PCDHGA9: variants seen among roughly 807,000 people sequenced by gnomAD.
PCDHGA9 encodes the protein protocadherin gamma subfamily A, 9.
Under a neutral mutation model 62.5 loss-of-function variants are expected in PCDHGA9, and 37 were observed. The observed-to-expected ratio is 0.59, with a 90% CI of 0.46 to 0.78. PCDHGA9 has a LOEUF of 0.78. Ranked by LOEUF, PCDHGA9 falls within the 30% of genes least tolerant of loss-of-function variation. PCDHGA9 has a pLI of 0.00. For missense variants in PCDHGA9, 1,138 were observed against 1,166.2 expected (o/e 0.98, Z 0.35); for synonymous variants, 459 against 484.6 (o/e 0.95, Z 0.69).
intron 1 of PCDHGA9, among the ~76,000 whole-genome samples, chr5:141,447,463 C>T (rs1004772636): frequency 6.6e-6 from 1 of 152,142 alleles, no homozygotes; most frequent in African/African-American, 2.4e-5. Context: ...AGTTTTTCTT[C>T]ACCATCTGTA....
intron 1 of PCDHGA9, chr5:141,409,953 C>T: frequency 6.2e-7 from 1 of 1,613,398 alleles, no homozygotes; most frequent in Non-Finnish European, 8.5e-7. Context: ...TCTGCAGAGC[C>T]CGGCTACCTA....
At chr5:141,439,126 G>A (rs2098089550) in intron 1 of PCDHGA9, among the ~76,000 whole-genome samples, 1 of 151,328 alleles carries the variant, frequency 6.6e-6, no homozygotes, top group African/African-American at 2.4e-5. Flanking sequence ...CCGGGAGACA[G>A]AGGTTGCAGT....
intron 1 of PCDHGA9, among the ~76,000 whole-genome samples, chr5:141,494,146 T>C (rs1167835696): frequency 1.3e-5 from 2 of 152,168 alleles, no homozygotes; most frequent in Non-Finnish European, 2.9e-5. Context: ...TCACAGACCA[T>C]TGTCTGGCAC....
chr5:141,451,676 G>C (rs1363843426), intron 1 of PCDHGA9, among the ~76,000 whole-genome samples: 1 of 152,142 alleles, frequency 6.6e-6, no homozygotes, highest in African/African-American at 2.4e-5. Context: ...GAGCCCAGGA[G>C]TTCAAGACCA....
rs2099697598 is a variant in PCDHGA9 at position 141,490,236 on chromosome 5, C to T, written c.2425-4571C>T. On this transcript the variant is annotated intron_variant, in intron 1 of 3. Coordinates refer to ENST00000573521, the MANE Select transcript of PCDHGA9 (RefSeq NM_018921.3). This position sits in a 1 kb window ranked among gnomAD's most constrained non-coding sequence, Gnocchi z 5.4. ...ACCAGGGACAGCCTGCCATGGAGGG[C>T]CACTGTGTGATTCAAGTGGATGTGG... is the stretch of plus-strand genomic sequence containing the variant. 1 of 1,614,078 alleles carries T rather than the reference C, an allele frequency of 6.2e-7. No homozygotes were observed. The highest frequency in any genetic ancestry group is 1.1e-5 in the South Asian group (1 of 91,088).
chr5:141,458,496 A>T (rs905073741), intron 1 of PCDHGA9, among the ~76,000 whole-genome samples: 1 of 151,694 alleles, frequency 6.6e-6, no homozygotes, highest in Non-Finnish European at 1.5e-5. Flanking sequence ...CTGCCTGTAC[A>T]TACTGTTTGA....
Position 141,511,334 on chromosome 5 carries a change from C to A in PCDHGA9, c.*161C>A. 7.0e-7 allele frequency: 1 copy of A among 1,438,700 alleles called. No homozygotes were observed. Among genetic ancestry groups the A allele is most frequent in the Non-Finnish European group, 9.2e-7 (1 of 1,083,314 alleles). 89.1% of individuals were successfully genotyped at this position (1,438,700 alleles called of 1,614,324 possible). On this transcript the variant is annotated 3_prime_UTR_variant, in exon 4 of 4. Coordinates refer to ENST00000573521, the MANE Select transcript of PCDHGA9 (RefSeq NM_018921.3). ...GAAACAGAAACAAGTGCCCAGTCAG[C>A]ACCTACCCCTTCCCCCCCAGGGGGT...
intron 1 of PCDHGA9, among the ~76,000 whole-genome samples, chr5:141,444,150 GGATTT>G (rs2098419598): frequency 1.8e-5 from 2 of 114,012 alleles, no homozygotes; most frequent in Non-Finnish European, 3.5e-5. Flanking sequence ...TGTGTGTACT[GGATTT>G]TTTTTTTTTT....
chr5:141,409,805 C>T lies in PCDHGA9; in HGVS notation c.2424+4429C>T, dbSNP rs751397816. 8 of 1,611,512 alleles carry T rather than the reference C, an allele frequency of 5.0e-6. No individual in the cohort carries two copies. The African/African-American group carries it at 5.3e-5, about 11-fold the overall frequency. ...CGCCTTCGCGCTCACGCTGCAGGCC[C>T]GCGACCACGGCTCGCCCACGCTCAG... is the stretch of plus-strand genomic sequence containing the variant. On this transcript the variant is annotated intron_variant, in intron 1 of 3. Coordinates refer to ENST00000573521, the MANE Select transcript of PCDHGA9 (RefSeq NM_018921.3).
At position 141,486,090 on chromosome 5, in the gene PCDHGA9, G is replaced by C. The variant is rs190955361; in HGVS notation, c.2425-8717G>C. On this transcript the variant is annotated intron_variant, in intron 1 of 3. Transcript: ENST00000573521. The surrounding 1 kb of genome is among the most constrained non-coding windows in gnomAD (Gnocchi z 5.0). ...ACTACTGGAAAGCTTACTCTTTTGG[G>C]GCCCCTAGACTTTGAGAGTGAGAAT... 4 of 1,614,086 alleles carry C rather than the reference G, an allele frequency of 2.5e-6. No individual in the cohort carries two copies. The Admixed American group carries it at 6.7e-5, about 27-fold the overall frequency.
chr5:141,476,661 T>G lies in PCDHGA9; in HGVS notation c.2425-18146T>G. 1.2e-6 allele frequency: 2 copies of G among 1,614,076 alleles called. No individual in the cohort carries two copies. The highest frequency in any genetic ancestry group is 1.7e-6 in the Non-Finnish European group (2 of 1,179,938). On this transcript the variant is annotated intron_variant, in intron 1 of 3. Coordinates refer to ENST00000573521, the MANE Select transcript of PCDHGA9 (RefSeq NM_018921.3). The surrounding 1 kb of genome is among the most constrained non-coding windows in gnomAD (Gnocchi z 7.6). Reference sequence around the variant, plus strand: ...CTGAGCCGAAATGAATACTTTGCGCTTCGCGTGCAGACGCGGGAGGACAGC... The same window carrying G: ...CTGAGCCGAAATGAATACTTTGCGCGTCGCGTGCAGACGCGGGAGGACAGC...
Position 141,431,132 on chromosome 5 carries a change from G to A in PCDHGA9, c.2424+25756G>A. On this transcript the variant is annotated intron_variant, in intron 1 of 3. Coordinates refer to ENST00000573521, the MANE Select transcript of PCDHGA9 (RefSeq NM_018921.3). This position sits in a 1 kb window ranked among gnomAD's most constrained non-coding sequence, Gnocchi z 4.8. ...ATATGGAGTAGAAGTAGAAGTAAGGGACATTAACGACAATGCGCCTTACTT... is the reference window on the plus strand; with the variant it reads ...ATATGGAGTAGAAGTAGAAGTAAGGAACATTAACGACAATGCGCCTTACTT... 2 of 1,614,232 alleles carry A rather than the reference G, an allele frequency of 1.2e-6. No individual in the cohort carries two copies. The highest frequency in any genetic ancestry group is 8.5e-7 in the Non-Finnish European group (1 of 1,180,024).
intron 1 of PCDHGA9, among the ~76,000 whole-genome samples, chr5:141,467,931 T>C (rs771009105): frequency 1.3e-5 from 2 of 151,966 alleles, no homozygotes; most frequent in Non-Finnish European, 2.9e-5. Flanking sequence ...AATGCTAGGA[T>C]TACAAGCATG....
At chr5:141,423,193 T>A in intron 1 of PCDHGA9, 2 of 1,613,564 alleles carry the variant, frequency 1.2e-6, no homozygotes, top group Non-Finnish European at 1.7e-6. Context: ...GCCCCCTCTC[T>A]CGGCCACCGT....
At chr5:141,418,566 A>G (rs2096269931) in intron 1 of PCDHGA9, 2 of 1,614,054 alleles carry the variant, frequency 1.2e-6, no homozygotes, top group South Asian at 1.1e-5. Context: ...ATAGATGCCA[A>G]TGACAACCCC....
intron 1 of PCDHGA9, chr5:141,421,396 C>T: frequency 2.5e-6 from 4 of 1,614,036 alleles, no homozygotes; most frequent in South Asian, 1.1e-5. Context: ...GGGGCTGGAG[C>T]CCCGGGAGCT....
At position 141,490,289 on chromosome 5, in the gene PCDHGA9, T is replaced by C; in HGVS notation, c.2425-4518T>C. ...GATGTCAATGACAATGCCCCAGAGG[T>C]GCTATTGGCCTCTTTGGCCAACCCT... On this transcript the variant is annotated intron_variant, in intron 1 of 3. Transcript: ENST00000573521. This position sits in a 1 kb window ranked among gnomAD's most constrained non-coding sequence, Gnocchi z 5.4. The C allele has an allele frequency of 1.2e-6, 2 of 1,614,096 alleles. No homozygotes were observed. The highest frequency in any genetic ancestry group is 1.7e-6 in the Non-Finnish European group (2 of 1,180,016).
intron 1 of PCDHGA9, among the ~76,000 whole-genome samples, chr5:141,457,674 A>G (rs577008886): frequency 2.9e-4 from 44 of 152,256 alleles, no homozygotes; most frequent in South Asian, 2.1e-4. Flanking sequence ...GGTTATTTCT[A>G]CATAGGACTT....
rs374154790 is a variant in PCDHGA9, at chr5:141,490,709, C to A, written c.2425-4098C>A. The A allele has an allele frequency of 3.2e-5, 52 of 1,614,218 alleles. No homozygotes were observed. In the African/African-American group the frequency reaches 6.3e-4, roughly 19 times the overall value. On this transcript the variant is annotated intron_variant, in intron 1 of 3. Coordinates refer to ENST00000573521, the MANE Select transcript of PCDHGA9 (RefSeq NM_018921.3). The surrounding 1 kb of genome is among the most constrained non-coding windows in gnomAD (Gnocchi z 5.4). ...GACACTGGGGATAATGCCCGCCTCA[C>A]CTACTCCATTGTAGGAAATCAGGTT...
Sources: gnomAD v4.1 joint callset for allele counts (sites outside exome capture counted in the v4.1 genomes callset) on GRCh38, gnomAD v4.1.1 for gene constraint, Gnocchi (gnomAD v3.1) non-coding constraint, MANE v1.5 for transcripts, NCBI Gene and HGNC (gene_info 2026-07-23, HGNC 2026-07-21) for gene names.